Variants in UST observed in about 807,000 individuals in gnomAD.
UST encodes the protein uronyl 2-sulfotransferase, also known as chondroitin sulfate 2-O-sulfotransferase.
A neutral mutation model predicts 45.6 loss-of-function variants in UST; 21 were observed. The observed-to-expected ratio is 0.46, with a 90% CI of 0.33 to 0.66. The LOEUF (loss-of-function observed/expected upper bound fraction) is 0.66, where lower values mean the gene tolerates loss of function less well. Among genes scored for constraint, UST ranks in the 30% least tolerant of loss-of-function variants. The pLI, the probability that UST is intolerant of heterozygous loss-of-function variation, is 0.02. For synonymous variants in UST, 215 were observed against 200.6 expected (o/e 1.07, Z -0.61); for missense variants, 463 against 512.4 (o/e 0.90, Z 0.93).
At chr6:148,868,696 A>C (rs1778493296) in intron 1 of UST, among the ~76,000 whole-genome samples, 1 of 152,116 alleles carries the variant, frequency 6.6e-6, no homozygotes, top group Non-Finnish European at 1.5e-5. Context: ...AGGGTTTTGA[A>C]AATTACATTA....
At chr6:148,924,476 G>A (rs1042459985) in intron 2 of UST, among the ~76,000 whole-genome samples, 3 of 152,234 alleles carry the variant, frequency 2.0e-5, no homozygotes, top group African/African-American at 4.8e-5. Flanking sequence ...AATGAAAGGG[G>A]AGTTGGGGAG....
At chr6:149,063,137 A>G (rs112274828) in intron 7 of UST, among the ~76,000 whole-genome samples, 3 of 152,280 alleles carry the variant, frequency 2.0e-5, no homozygotes, top group Non-Finnish European at 4.4e-5. Flanking sequence ...CTCCCCAGGG[A>G]CAGCGCAGAG....
intron 3 of UST, among the ~76,000 whole-genome samples, 174 bp from the exon 4 acceptor site, chr6:148,953,698 G>T (rs1442759685): frequency 6.6e-6 from 1 of 151,230 alleles, no homozygotes; most frequent in African/African-American, 2.4e-5. Flanking sequence ...CGTGAACCCG[G>T]GAGGCGGAGC....
intron 3 of UST, among the ~76,000 whole-genome samples, chr6:148,948,178 C>T (rs765759681): frequency 9.2e-5 from 14 of 152,202 alleles, no homozygotes; most frequent in African/African-American, 3.4e-4. Context: ...GAAGGGTCAC[C>T]GGAGCCTCCA....
chr6:149,057,393 A>T (rs1776580125), intron 7 of UST, among the ~76,000 whole-genome samples: 1 of 152,228 alleles, frequency 6.6e-6, no homozygotes, highest in Admixed American at 6.5e-5. Context: ...TGATAGATTG[A>T]TTTCATGTAA....
rs1160691734 is a variant in UST at position 149,074,139 on chromosome 6, C to T, written c.*23C>T. On this transcript the variant is annotated 3_prime_UTR_variant, in exon 8 of 8. Transcript: ENST00000367463. The stretch of plus-strand genomic sequence containing the variant: ...TGATGTGACTGTGTTGCCTCTATGG[C>T]TTTATCTCCCTTTTCCAGAAAGTTC... 1 of 1,602,136 alleles carries T rather than the reference C, an allele frequency of 6.2e-7. No individual in the cohort carries two copies. Among genetic ancestry groups the T allele is most frequent in the Non-Finnish European group, 8.5e-7 (1 of 1,171,852 alleles).
intron 2 of UST, among the ~76,000 whole-genome samples, chr6:148,912,188 G>T (rs1779489315): frequency 6.6e-6 from 1 of 152,068 alleles, no homozygotes; most frequent in Admixed American, 6.5e-5. Context: ...CACAGCGAGG[G>T]TCTATTTCAA....
At chr6:148,876,948 T>C (rs548452981) in intron 1 of UST, among the ~76,000 whole-genome samples, 234 of 112,428 alleles carry the variant, frequency 2.1e-3, no homozygotes, top group African/African-American at 7.8e-3. Flanking sequence ...TTGCGGATCC[T>C]GTGGGCCCAT....
At chr6:148,846,766 A>G (rs1412417629) in intron 1 of UST, among the ~76,000 whole-genome samples, 1 of 152,252 alleles carries the variant, frequency 6.6e-6, no homozygotes, top group Non-Finnish European at 1.5e-5. Flanking sequence ...TAATTTGAGA[A>G]TTGTAGAAAC....
intron 7 of UST, among the ~76,000 whole-genome samples, chr6:149,055,401 A>G (rs570038020): frequency 2.2e-4 from 34 of 152,288 alleles, no homozygotes; most frequent in African/African-American, 8.2e-4. Context: ...TCATGCCCCA[A>G]TAAAACTAAA....
chr6:149,043,956 A>T (rs1430726354), intron 7 of UST, among the ~76,000 whole-genome samples: 1 of 152,226 alleles, frequency 6.6e-6, no homozygotes, highest in Admixed American at 6.5e-5. Flanking sequence ...CTATAAGTAG[A>T]TACAAAACCA....
chr6:148,888,909 G>A (rs865909487), intron 2 of UST, among the ~76,000 whole-genome samples: 29 of 152,322 alleles, frequency 1.9e-4, no homozygotes, highest in African/African-American at 5.8e-4. Flanking sequence ...TGTCTAACTC[G>A]TCTCAGTATC....
At chr6:148,884,733 T>G (rs754083635) in intron 1 of UST, among the ~76,000 whole-genome samples, 14 of 152,026 alleles carry the variant, frequency 9.2e-5, no homozygotes, top group Non-Finnish European at 2.1e-4. Flanking sequence ...GGTTGCTATA[T>G]GAGTAGGAGA....
chr6:148,802,261 T>A (rs1777069076), intron 1 of UST, among the ~76,000 whole-genome samples: 1 of 152,232 alleles, frequency 6.6e-6, no homozygotes, highest in African/African-American at 2.4e-5. Context: ...ATCACAATGC[T>A]TCCCCCCAAC....
chr6:148,800,964 T>C (rs1380888704), intron 1 of UST, among the ~76,000 whole-genome samples: 1 of 152,136 alleles, frequency 6.6e-6, no homozygotes, highest in Non-Finnish European at 1.5e-5. Flanking sequence ...TTAGAGGAGC[T>C]TCCACTTTTC....
At chr6:148,753,881 A>T (rs1469371323) in intron 1 of UST, among the ~76,000 whole-genome samples, 1 of 152,170 alleles carries the variant, frequency 6.6e-6, no homozygotes, top group African/African-American at 2.4e-5. Flanking sequence ...AATGGGTATG[A>T]AGTGGTATAT....
At chr6:148,885,677 G>A (rs1307198512) in intron 1 of UST, among the ~76,000 whole-genome samples, 1 of 152,170 alleles carries the variant, frequency 6.6e-6, no homozygotes, top group African/African-American at 2.4e-5. Context: ...AAAGGGGAAG[G>A]ATGATGACTC....
intron 5 of UST, among the ~76,000 whole-genome samples, chr6:148,973,943 T>C (rs541688957): frequency 6.6e-6 from 1 of 152,348 alleles, no homozygotes; most frequent in East Asian, 1.9e-4. Context: ...TTGAATTAGA[T>C]AGTGTGTAAT....
At chr6:149,065,234 GA>G (rs199804298) in intron 7 of UST, among the ~76,000 whole-genome samples, 1 of 151,840 alleles carries the variant, frequency 6.6e-6, no homozygotes, top group Non-Finnish European at 1.5e-5. Flanking sequence ...ACAATTATTT[GA>G]AAAAAAATCC....
Sources: gnomAD v4.1 joint callset for allele counts (sites outside exome capture counted in the v4.1 genomes callset) on GRCh38, gnomAD v4.1.1 for gene constraint, MANE v1.5 for transcripts, NCBI Gene and HGNC (gene_info 2026-07-23, HGNC 2026-07-21) for gene names.